Variants in SMAP1 observed in about 807,000 individuals in gnomAD.
SMAP1 encodes stromal membrane-associated protein 1.
Under a neutral mutation model 58.5 loss-of-function variants are expected in SMAP1, and 24 were observed. The ratio of observed to expected loss-of-function variants is 0.41; its 90% CI spans 0.30 to 0.58. SMAP1 has a LOEUF of 0.58. Among genes scored for constraint, SMAP1 ranks in the 20% least tolerant of loss-of-function variants. The pLI is 0.29. For synonymous variants in SMAP1, 216 were observed against 196.6 expected (o/e 1.10, Z -0.82); for missense variants, 563 against 566.3 (o/e 0.99, Z 0.06).
At chr6:70,825,095 C>CAGAT in intron 6 of SMAP1, among the ~76,000 whole-genome samples, 1 of 152,240 alleles carries the variant, frequency 6.6e-6, no homozygotes, top group East Asian at 1.9e-4. Flanking sequence ...GCCCTGTATG[C>CAGAT]AGATGTACAG....
intron 6 of SMAP1, among the ~76,000 whole-genome samples, chr6:70,799,740 A>C (rs1366845477): frequency 1.3e-5 from 2 of 152,164 alleles, no homozygotes; most frequent in Non-Finnish European, 2.9e-5. Flanking sequence ...GCTGCTTTGA[A>C]ACTTTTGTAT....
rs543067584 is a variant in SMAP1 at position 70,700,120 on chromosome 6, C to G, written c.118+31979C>G. On this transcript the variant is annotated intron_variant, in intron 1 of 10. Transcript: ENST00000370455. ...GTTCTTGAGATAGTGAGTGAGTTCT[C>G]ATGAGATATGATTATTTAAAAGTGT... 3.2e-4 allele frequency among the ~76,000 whole-genome samples: 49 copies of G among 152,184 alleles called. No individual in the cohort carries two copies. In the South Asian group the frequency reaches 3.5e-3, roughly 11 times the overall value.
intron 1 of SMAP1, chr6:70,668,774 A>G: frequency 2.6e-6 from 4 of 1,518,828 alleles, no homozygotes; most frequent in Non-Finnish European, 3.5e-6. Flanking sequence ...TAGTAGTAGT[A>G]TTGTTTTTTA....
intron 6 of SMAP1, among the ~76,000 whole-genome samples, chr6:70,820,707 A>G (rs935154395): frequency 8.4e-5 from 12 of 142,322 alleles, no homozygotes; most frequent in South Asian, 2.2e-4. Flanking sequence ...TCCATCTCGG[A>G]AAAAAAAAAA....
At chr6:70,772,550 C>T (rs977988314) in intron 3 of SMAP1, among the ~76,000 whole-genome samples, 4 of 152,252 alleles carry the variant, frequency 2.6e-5, no homozygotes, top group African/African-American at 4.8e-5. Context: ...TTAAGAACCC[C>T]TTTAAGAATT....
intron 1 of SMAP1, among the ~76,000 whole-genome samples, chr6:70,691,644 ACT>A (rs1767173391): frequency 6.6e-6 from 1 of 151,786 alleles, no homozygotes; most frequent in Admixed American, 6.6e-5. Flanking sequence ...TCATCATTCT[ACT>A]CTCTATCTCC....
chr6:70,838,467 G>T (rs1770684577), intron 7 of SMAP1, among the ~76,000 whole-genome samples: 1 of 152,176 alleles, frequency 6.6e-6, no homozygotes, highest in Admixed American at 6.5e-5. Context: ...GTTATATGTG[G>T]TAAATACTAT....
intron 1 of SMAP1, among the ~76,000 whole-genome samples, chr6:70,676,844 G>A (rs1397920004): frequency 3.9e-5 from 6 of 152,032 alleles, no homozygotes; most frequent in East Asian, 1.9e-4. Flanking sequence ...GTGCAGTGGC[G>A]TGATCATAGC....
intron 7 of SMAP1, among the ~76,000 whole-genome samples, chr6:70,840,102 A>G (rs1479109327): frequency 1.3e-5 from 2 of 152,246 alleles, no homozygotes; most frequent in African/African-American, 4.8e-5. Flanking sequence ...AGATGACAGC[A>G]TATCTCCGTA....
At chr6:70,757,074 CA>C (rs1450576326) in intron 3 of SMAP1, among the ~76,000 whole-genome samples, 1 of 152,074 alleles carries the variant, frequency 6.6e-6, no homozygotes, top group African/African-American at 2.4e-5. Context: ...AATCCTAAGC[CA>C]AAAGAACAAA....
intron 3 of SMAP1, among the ~76,000 whole-genome samples, chr6:70,768,501 T>C (rs1472022569): frequency 3.3e-5 from 5 of 152,230 alleles, no homozygotes; most frequent in Admixed American, 2.6e-4. Flanking sequence ...GTCGAGGAAT[T>C]TATCCATTTC....
At chr6:70,840,654 A>G (rs1171529599) in intron 7 of SMAP1, among the ~76,000 whole-genome samples, 1 of 152,206 alleles carries the variant, frequency 6.6e-6, no homozygotes, top group African/African-American at 2.4e-5. Context: ...TGTTCCCAAT[A>G]GTACCTACAA....
At chr6:70,765,689 C>T (rs896587579) in intron 3 of SMAP1, among the ~76,000 whole-genome samples, 2 of 151,814 alleles carry the variant, frequency 1.3e-5, no homozygotes, top group Non-Finnish European at 2.9e-5. Flanking sequence ...GTATACTTGA[C>T]AAATTTTTAT....
intron 2 of SMAP1, among the ~76,000 whole-genome samples, chr6:70,733,675 T>A (rs1269899761): frequency 1.3e-5 from 2 of 152,180 alleles, no homozygotes; most frequent in East Asian, 3.9e-4. Context: ...CATGCCCAGC[T>A]GATGTTGTAA....
chr6:70,861,516 T>C lies in SMAP1; in HGVS notation c.*1182T>C. ...AGCTTATGTTAACTGACAAGCTCCA[T>C]TTAAACAGATGTCCATCAGATGACA... On this transcript the variant is annotated 3_prime_UTR_variant, in exon 11 of 11. Coordinates refer to ENST00000370455, the MANE Select transcript of SMAP1 (RefSeq NM_001044305.3). The C allele has an allele frequency of 5.9e-6, 4 of 673,738 alleles. No homozygotes were observed. The East Asian group carries it at 8.1e-5, about 14-fold the overall frequency. 41.7% of individuals were successfully genotyped at this position (673,738 alleles called of 1,614,324 possible).
chr6:70,667,948 T>G lies in SMAP1; in HGVS notation c.-76T>G. ...CGCCCGCGGTCCCGGCGGCGCCAGG[T>G]GCGTTCACTCTGCCCGGCTCCAGCC... On this transcript the variant is annotated 5_prime_UTR_variant, in exon 1 of 11. Transcript: ENST00000370455. 1 of 1,313,816 alleles carries G rather than the reference T, an allele frequency of 7.6e-7. No individual in the cohort carries two copies. The highest frequency in any genetic ancestry group is 2.9e-5 in the East Asian group (1 of 34,018). 81.4% of individuals were successfully genotyped at this position (1,313,816 alleles called of 1,614,324 possible). A position where few individuals can be genotyped will look rare whatever the true frequency, so the allele number is the denominator to read the frequency against.
intron 6 of SMAP1, among the ~76,000 whole-genome samples, chr6:70,824,939 C>T (rs917350612): frequency 6.6e-6 from 1 of 152,142 alleles, no homozygotes; most frequent in Non-Finnish European, 1.5e-5. Flanking sequence ...CTTCTTTCTG[C>T]TTTTGAAGCA....
At chr6:70,767,041 A>G (rs1767021012) in intron 3 of SMAP1, among the ~76,000 whole-genome samples, 1 of 152,072 alleles carries the variant, frequency 6.6e-6, no homozygotes, top group Non-Finnish European at 1.5e-5. Context: ...AGGTTTGTCA[A>G]AGATCAGATA....
intron 3 of SMAP1, among the ~76,000 whole-genome samples, chr6:70,758,485 C>T (rs1334071052): frequency 6.6e-6 from 1 of 151,486 alleles, no homozygotes; most frequent in African/African-American, 2.4e-5. Flanking sequence ...CTAACCTGCA[C>T]ATTGTGCACA....
Sources: gnomAD v4.1 joint callset for allele counts (sites outside exome capture counted in the v4.1 genomes callset) on GRCh38, gnomAD v4.1.1 for gene constraint, MANE v1.5 for transcripts, NCBI Gene and HGNC (gene_info 2026-07-23, HGNC 2026-07-21) for gene names.